Variants in PRKN observed in about 807,000 individuals in gnomAD.
PRKN encodes E3 ubiquitin-protein ligase parkin.
PRKN carries 56 observed loss-of-function variants against 59.5 expected under a neutral mutation model. That is an observed-to-expected ratio of 0.94 (90% CI 0.76 to 1.18). The LOEUF is 1.18. PRKN is among the 50% of genes most tolerant of loss of function. PRKN has a pLI of 0.00. For missense variants in PRKN, 657 were observed against 596.4 expected, an observed-to-expected ratio of 1.10 and a Z score of -1.06; for synonymous variants, 250 against 222.1, an observed-to-expected ratio of 1.13 and a Z score of -1.12.
At chr6:162,511,280 T>C (rs993080194) in intron 1 of PRKN, among the ~76,000 whole-genome samples, 1 of 152,126 alleles carries the variant, frequency 6.6e-6, no homozygotes, top group Admixed American at 6.6e-5. Flanking sequence ...CTTACTGAGA[T>C]ACATTAGCTC....
chr6:162,707,122 G>GA (rs11448901), intron 1 of PRKN, among the ~76,000 whole-genome samples: 67,368 of 151,946 alleles, frequency 0.44, 15,388 homozygotes, highest in East Asian at 0.66. Flanking sequence ...TTTCTAATGA[G>GA]AAAAAAGCAG....
At position 161,545,397 on chromosome 6, in the gene PRKN, C is replaced by A; in HGVS notation, c.1083+3457G>T. On this transcript the variant is annotated intron_variant, in intron 9 of 11. Transcript: ENST00000366898. This position sits in a 1 kb window ranked among gnomAD's most constrained non-coding sequence, Gnocchi z 4.1. ...AACGATGTATTGAATGAGGCACTCACTTCTCCCTGAGGCAGCTTATTTTGT... is the reference window on the plus strand; with the variant it reads ...AACGATGTATTGAATGAGGCACTCAATTCTCCCTGAGGCAGCTTATTTTGT... 1 of 1,612,542 alleles carries A rather than the reference C, an allele frequency of 6.2e-7. No individual in the cohort carries two copies. The highest frequency in any genetic ancestry group is 8.5e-7 in the Non-Finnish European group (1 of 1,179,660).
intron 4 of PRKN, among the ~76,000 whole-genome samples, chr6:162,181,967 T>A (rs1783821253): frequency 6.6e-6 from 1 of 152,178 alleles, no homozygotes; most frequent in African/African-American, 2.4e-5. Flanking sequence ...AGTCAGATAT[T>A]GTACTGACTC....
intron 4 of PRKN, among the ~76,000 whole-genome samples, chr6:162,064,341 T>C (rs1445887303): frequency 1.3e-5 from 2 of 152,204 alleles, no homozygotes; most frequent in Non-Finnish European, 2.9e-5. Context: ...TACATGAGTG[T>C]ATGTAACTGT....
In PRKN at chr6:162,091,950, C is replaced by T. The variant is rs144518838; in HGVS notation, c.535-37776G>A. On this transcript the variant is annotated intron_variant, in intron 4 of 11. Coordinates refer to ENST00000366898, the MANE Select transcript of PRKN (RefSeq NM_004562.3). Reference sequence around the variant, plus strand: ...AGTTGGGAGGCTGAGGTGGGAGGATCCATTGAGCCCAGGAGGTCAAGGCTG... The same window carrying T: ...AGTTGGGAGGCTGAGGTGGGAGGATTCATTGAGCCCAGGAGGTCAAGGCTG... Among the ~76,000 whole-genome samples the T allele has an allele frequency of 5.8e-3, 879 of 152,170 alleles. 8 individuals carry two copies. Among genetic ancestry groups the T allele is most frequent in the African/African-American group, 0.02 (823 of 41,524 alleles).
chr6:161,846,416 T>C (rs1015394808), intron 6 of PRKN, among the ~76,000 whole-genome samples: 4 of 152,192 alleles, frequency 2.6e-5, no homozygotes, highest in Non-Finnish European at 5.9e-5. Flanking sequence ...ATAATTATTA[T>C]GCTCTTTATG....
intron 6 of PRKN, among the ~76,000 whole-genome samples, chr6:161,853,583 C>G (rs552294161): frequency 6.6e-5 from 10 of 152,306 alleles, no homozygotes; most frequent in African/African-American, 2.4e-4. Flanking sequence ...CAACATGACT[C>G]TACTTAACAG....
At chr6:162,384,757 G>A (rs1354194790) in intron 2 of PRKN, among the ~76,000 whole-genome samples, 2 of 151,456 alleles carry the variant, frequency 1.3e-5, no homozygotes, top group East Asian at 1.9e-4. Flanking sequence ...TTTATTACAC[G>A]CTGCATTTCT....
chr6:162,382,231 C>A (rs1786530041), intron 2 of PRKN, among the ~76,000 whole-genome samples: 1 of 151,612 alleles, frequency 6.6e-6, no homozygotes, highest in South Asian at 2.1e-4. Flanking sequence ...TAAAACCAGG[C>A]AAATAATATT....
chr6:162,712,865 C>G (rs1778587670), intron 1 of PRKN, among the ~76,000 whole-genome samples: 1 of 152,152 alleles, frequency 6.6e-6, no homozygotes, highest in Non-Finnish European at 1.5e-5. Flanking sequence ...CCCCATTTTC[C>G]AGGCCTAACA....
At chr6:162,672,873 T>C (rs544293335) in intron 1 of PRKN, among the ~76,000 whole-genome samples, 1 of 152,230 alleles carries the variant, frequency 6.6e-6, no homozygotes, top group African/African-American at 2.4e-5. Flanking sequence ...TCAATACATA[T>C]CAAATGTCTT....
At chr6:162,084,440 T>C (rs1779175178) in intron 4 of PRKN, among the ~76,000 whole-genome samples, 2 of 152,130 alleles carry the variant, frequency 1.3e-5, no homozygotes, top group Non-Finnish European at 2.9e-5. Context: ...TTCAATAAAG[T>C]TGTGGGAAGT....
chr6:162,694,139 C>T (rs905645287), intron 1 of PRKN, among the ~76,000 whole-genome samples: 10 of 140,490 alleles, frequency 7.1e-5, no homozygotes, highest in East Asian at 2.3e-4. Flanking sequence ...CCCAGCTATT[C>T]GGGAGGCTGA....
At position 161,502,068 on chromosome 6, in the gene PRKN, T is replaced by C. The variant is rs1425927994; in HGVS notation, c.1083+46786A>G. Among the ~76,000 whole-genome samples, 4 of 152,178 alleles carry C rather than the reference T, an allele frequency of 2.6e-5. No homozygotes were observed. In the East Asian group the frequency reaches 7.7e-4, roughly 29 times the overall value. On this transcript the variant is annotated intron_variant, in intron 9 of 11. Coordinates refer to ENST00000366898, the MANE Select transcript of PRKN (RefSeq NM_004562.3). The surrounding 1 kb of genome is among the most constrained non-coding windows in gnomAD (Gnocchi z 4.0). The stretch of plus-strand genomic sequence containing the variant: ...CCTGGATCACTGAATCATCTGGGCA[T>C]AAAAGCTTTTTTATGAGTTGTGTTA...
At chr6:162,519,476 G>A (rs1322063396) in intron 1 of PRKN, among the ~76,000 whole-genome samples, 1 of 152,126 alleles carries the variant, frequency 6.6e-6, no homozygotes, top group Non-Finnish European at 1.5e-5. Context: ...AACACTTTGA[G>A]AAACAGGCCC....
At chr6:162,369,936 C>A (rs577773335) in intron 2 of PRKN, among the ~76,000 whole-genome samples, 13 of 152,228 alleles carry the variant, frequency 8.5e-5, no homozygotes, top group African/African-American at 2.9e-4. Context: ...TCAGTGGAAT[C>A]GGGGCAGTTT....
chr6:161,594,337 A>C (rs895764715), intron 7 of PRKN, among the ~76,000 whole-genome samples: 1 of 152,192 alleles, frequency 6.6e-6, no homozygotes, highest in African/African-American at 2.4e-5. Context: ...TTATGAGAGA[A>C]ACAAGGAAAG....
intron 2 of PRKN, among the ~76,000 whole-genome samples, chr6:162,316,821 TAA>T (rs764129256): frequency 4.2e-4 from 64 of 152,106 alleles, no homozygotes; most frequent in Non-Finnish European, 6.6e-4. Flanking sequence ...GTTAATGAAA[TAA>T]GACATATTTA....
At position 161,386,865 on chromosome 6, in the gene PRKN, G is replaced by A. The variant is rs56092260; in HGVS notation, c.1096C>T (p.Arg366Trp). 2.2e-4 allele frequency: 349 copies of A among 1,613,850 alleles called. 1 individual carries two copies. In the East Asian group the frequency reaches 6.2e-3, roughly 29 times the overall value. ...NGLGCGFAFCRECKEAYHEGE... is the reference protein window; with the variant it reads ...NGLGCGFAFCWECKEAYHEGE... ...TCATGGTACGCTTCTTTACATTCCC[G>A]GCAGAAGGCAAACTGCAAAAGAACA... Residue 366 changes from arginine to tryptophan, a missense_variant, in exon 10 of 12, where the codon CGG becomes TGG. Arg to Trp is a moderately radical substitution (Grantham distance 101). Coordinates refer to ENST00000366898, the MANE Select transcript of PRKN (RefSeq NM_004562.3). This position sits in a 1 kb window ranked among gnomAD's most constrained non-coding sequence, Gnocchi z 4.3.
Sources: gnomAD v4.1 joint callset for allele counts (sites outside exome capture counted in the v4.1 genomes callset) on GRCh38, gnomAD v4.1.1 for gene constraint, Gnocchi (gnomAD v3.1) non-coding constraint, MANE v1.5 for transcripts, NCBI Gene and HGNC (gene_info 2026-07-23, HGNC 2026-07-21) for gene names.